Variants in SLC44A3 observed in about 807,000 individuals in gnomAD.
The protein encoded by SLC44A3 is solute carrier family 44 member 3.
Under a neutral mutation model 75.4 loss-of-function variants are expected in SLC44A3, and 74 were observed. The observed-to-expected ratio is 0.98, with a 90% confidence interval of 0.81 to 1.19. The LOEUF is 1.19. SLC44A3 is among the 50% of genes most tolerant of loss of function. SLC44A3 has a pLI of 0.00. For synonymous variants in SLC44A3, 310 were observed against 296.9 expected (o/e 1.04, Z -0.45); for missense variants, 700 against 778.6 (o/e 0.90, Z 1.20).
At chr1:94,841,546 T>A (rs1042869260) in intron 7 of SLC44A3, among the ~76,000 whole-genome samples, 3 of 152,222 alleles carry the variant, frequency 2.0e-5, no homozygotes, top group South Asian at 2.1e-4. Context: ...CTGACTTCCA[T>A]GATTCCCACA....
chr1:94,856,751 A>T (rs137963588), intron 9 of SLC44A3, among the ~76,000 whole-genome samples: 1 of 151,068 alleles, frequency 6.6e-6, no homozygotes, highest in African/African-American at 2.4e-5. Context: ...TTTTTTGGAG[A>T]CTGGAATCTT....
Position 94,875,293 on chromosome 1 carries a change from A to T in SLC44A3, c.1482+7876A>T, listed in dbSNP as rs1263445150. ...AGCCAGGGAAATCAAGACTAGCGCCACAATGGGATTTAGAGCCAGGTTTTC... is the reference window on the plus strand; with the variant it reads ...AGCCAGGGAAATCAAGACTAGCGCCTCAATGGGATTTAGAGCCAGGTTTTC... On this transcript the variant is annotated intron_variant, in intron 12 of 14. Transcript: ENST00000271227. Among the ~76,000 whole-genome samples the T allele has an allele frequency of 4.6e-5, 7 of 152,216 alleles. No homozygotes were observed. The East Asian group carries it at 1.3e-3, about 29-fold the overall frequency.
At chr1:94,848,073 A>G (rs1664666927) in intron 9 of SLC44A3, among the ~76,000 whole-genome samples, 1 of 152,104 alleles carries the variant, frequency 6.6e-6, no homozygotes, top group Non-Finnish European at 1.5e-5. Context: ...CTAAAAATAC[A>G]GAAAACTTAG....
intron 5 of SLC44A3, among the ~76,000 whole-genome samples, chr1:94,829,736 A>G (rs1386485785): frequency 6.6e-6 from 1 of 152,110 alleles, no homozygotes; most frequent in Non-Finnish European, 1.5e-5. Context: ...AATGTAGGAG[A>G]CCTCTCTGAA....
At chr1:94,822,320 A>G (rs889382758) in intron 2 of SLC44A3, among the ~76,000 whole-genome samples, 1 of 152,234 alleles carries the variant, frequency 6.6e-6, no homozygotes, top group Non-Finnish European at 1.5e-5. Flanking sequence ...AAACTGCTTT[A>G]AAATTACATT....
chr1:94,820,978 G>C lies in SLC44A3; in HGVS notation c.57G>C (p.Arg19Ser), dbSNP rs1390499485. 61 of 1,551,464 alleles carry C rather than the reference G, an allele frequency of 3.9e-5. No homozygotes were observed. Among genetic ancestry groups the C allele is most frequent in the Non-Finnish European group, 4.9e-5 (56 of 1,146,894 alleles). Reference protein sequence around the residue: ...LVSAEGAPRQREWRPQIYRKC... With the variant: ...LVSAEGAPRQSEWRPQIYRKC... ...CTGCAGAAGGAGCCCCTAGGCAAAG[G>C]GAGTGGCGACCCCAGATTTATAGGA... The change falls in exon 2 of 15, where the codon AGG becomes AGC. Residue 19 changes from arginine to serine, a missense_variant. Transcript: ENST00000271227.
At chr1:94,873,523 C>A (rs1667978579) in intron 12 of SLC44A3, among the ~76,000 whole-genome samples, 1 of 152,212 alleles carries the variant, frequency 6.6e-6, no homozygotes, top group African/African-American at 2.4e-5. Context: ...CTCTCCCCAA[C>A]CTGCTCTGCC....
chr1:94,894,307 C>G (rs1436103147), intron 14 of SLC44A3, among the ~76,000 whole-genome samples: 1 of 152,132 alleles, frequency 6.6e-6, no homozygotes. Context: ...GACCTTCTCC[C>G]AAAGCACAGG....
chr1:94,837,792 T>A lies in SLC44A3; in HGVS notation c.591T>A (p.Asp197Glu). 1 of 1,612,912 alleles carries A rather than the reference T, an allele frequency of 6.2e-7. No individual in the cohort carries two copies. The highest frequency in any genetic ancestry group is 8.5e-7 in the Non-Finnish European group (1 of 1,179,646). Reference sequence around the variant, plus strand: ...TATTTGCATCTGTTTTGATAAATGATGTTGACACCCTCCACCGAATTCTAA... The same window carrying A: ...TATTTGCATCTGTTTTGATAAATGAAGTTGACACCCTCCACCGAATTCTAA... Reference protein sequence around the residue: ...YSLFASVLINDVDTLHRILSG... With the variant: ...YSLFASVLINEVDTLHRILSG... The change falls in exon 6 of 15, where the codon GAT becomes GAA. Residue 197 changes from aspartate to glutamate, a missense_variant. Coordinates refer to ENST00000271227, the MANE Select transcript of SLC44A3 (RefSeq NM_001114106.3).
intron 5 of SLC44A3, among the ~76,000 whole-genome samples, chr1:94,833,942 T>A (rs1662456977): frequency 6.6e-6 from 1 of 152,196 alleles, no homozygotes; most frequent in Non-Finnish European, 1.5e-5. Flanking sequence ...TGAGTAACTT[T>A]GGAAAACAGC....
intron 9 of SLC44A3, among the ~76,000 whole-genome samples, chr1:94,854,123 C>T (rs115924110): frequency 2.6e-4 from 39 of 152,224 alleles, no homozygotes; most frequent in African/African-American, 6.5e-4. Context: ...CAAGACAGGA[C>T]GAGATCACCA....
chr1:94,843,499 G>A (rs1194591359), intron 8 of SLC44A3: 2 of 152,090 alleles, frequency 1.3e-5, no homozygotes, highest in Non-Finnish European at 2.9e-5. Flanking sequence ...TGGTCAGGAG[G>A]CTGTGCTCCC....
chr1:94,883,717 G>A (rs1010167141), intron 12 of SLC44A3, among the ~76,000 whole-genome samples: 3 of 152,132 alleles, frequency 2.0e-5, no homozygotes, highest in Non-Finnish European at 2.9e-5. Flanking sequence ...ACTTCCTAAT[G>A]TTTCAGAAGA....
At chr1:94,878,052 G>A (rs1391128199) in intron 12 of SLC44A3, among the ~76,000 whole-genome samples, 1 of 152,110 alleles carries the variant, frequency 6.6e-6, no homozygotes, top group Non-Finnish European at 1.5e-5. Flanking sequence ...GGCTAACACG[G>A]TGAAACCCCG....
intron 10 of SLC44A3, 97 bp downstream of exon 10, chr1:94,857,597 C>G: frequency 7.8e-7 from 1 of 1,273,910 alleles, no homozygotes; most frequent in Non-Finnish European, 1.1e-6. Context: ...GTTGACCTAG[C>G]CCCTTAAAAG....
intron 1 of SLC44A3, 112 bp from the exon 2 acceptor site, chr1:94,820,837 A>T: frequency 7.6e-7 from 1 of 1,321,608 alleles, no homozygotes; most frequent in Non-Finnish European, 1.0e-6. Context: ...AATTTTAAAA[A>T]TTTAGAAAAA....
At chr1:94,851,179 T>G (rs982153506) in intron 9 of SLC44A3, among the ~76,000 whole-genome samples, 5 of 152,206 alleles carry the variant, frequency 3.3e-5, no homozygotes, top group Admixed American at 1.3e-4. Context: ...GGTTTGAGTA[T>G]TATTATTCTT....
chr1:94,870,788 T>C (rs1203789544), intron 12 of SLC44A3, among the ~76,000 whole-genome samples: 1 of 152,204 alleles, frequency 6.6e-6, no homozygotes, highest in African/African-American at 2.4e-5. Context: ...GTTCAAGTGA[T>C]TCTCCTGCCT....
intron 12 of SLC44A3, among the ~76,000 whole-genome samples, chr1:94,878,948 G>T (rs1225603972): frequency 6.6e-6 from 1 of 152,084 alleles, no homozygotes; most frequent in African/African-American, 2.4e-5. Flanking sequence ...AGACCTAAAA[G>T]ACCTAAAACT....
Sources: gnomAD v4.1 joint callset for allele counts (sites outside exome capture counted in the v4.1 genomes callset) on GRCh38, gnomAD v4.1.1 for gene constraint, MANE v1.5 for transcripts, NCBI Gene and HGNC (gene_info 2026-07-23, HGNC 2026-07-21) for gene names.